SLC4A1: variants seen among roughly 807,000 people sequenced by gnomAD.
SLC4A1 encodes band 3 anion transport protein.
In SLC4A1, 29 loss-of-function variants were observed where a neutral mutation model predicts 93.1. The ratio of observed to expected loss-of-function variants is 0.31; its 90% confidence interval spans 0.23 to 0.42. The LOEUF (loss-of-function observed/expected upper bound fraction) is 0.42, where lower values mean the gene tolerates loss of function less well. SLC4A1 is among the 20% of genes least tolerant of loss of function. The pLI, the probability that SLC4A1 is intolerant of heterozygous loss-of-function variation, is 1.00. For synonymous variants in SLC4A1, 469 were observed against 497.2 expected (o/e 0.94, Z 0.76); for missense variants, 965 against 1,190.1 (o/e 0.81, Z 2.78).
intron 16 of SLC4A1, 27 bp downstream of exon 16, chr17:44,254,469 A>AACCC: frequency 4.2e-5 from 28 of 665,338 alleles, no homozygotes; most frequent in Non-Finnish European, 6.2e-5. Context: ...CCACCCTCCC[A>AACCC]GGCCCAGCCC....
intron 19 of SLC4A1, 96 bp from the exon 20 acceptor site, chr17:44,250,634 G>A: frequency 1.1e-6 from 1 of 901,974 alleles, no homozygotes; most frequent in South Asian, 1.4e-5. Context: ...TTAGGAGAGG[G>A]TCTGGCTGTC....
chr17:44,252,510 C>A (rs2047352122), intron 17 of SLC4A1, among the ~76,000 whole-genome samples: 1 of 152,154 alleles, frequency 6.6e-6, no homozygotes, highest in Non-Finnish European at 1.5e-5. Context: ...ACACCTTTCT[C>A]CTCACCCCAG....
rs1324351103 is a variant in SLC4A1 at position 44,249,246 on chromosome 17, G to GTT, written c.*1210_*1211dup. On this transcript the variant is annotated 3_prime_UTR_variant, in exon 20 of 20. Transcript: ENST00000262418. ...GTCTTTCAACTCTTTTTATCTTTTT[G>GTT]TTTTATAAAAAAATAAATTTGCCCA... 1 of 445,878 alleles carries GTT rather than the reference G, an allele frequency of 2.2e-6. No homozygotes were observed. Among genetic ancestry groups the GTT allele is most frequent in the East Asian group, 7.2e-5 (1 of 13,986 alleles). 27.6% of individuals were successfully genotyped at this position (445,878 alleles called of 1,614,324 possible).
intron 17 of SLC4A1, among the ~76,000 whole-genome samples, chr17:44,252,047 CTTTTTTTTTTTT>C (rs966641655): frequency 2.9e-5 from 2 of 69,130 alleles, no homozygotes; most frequent in Middle Eastern, 0.011. Context: ...TCCTATGGGT[CTTTTTTTTTTTT>C]TTTTTTTTTT....
chr17:44,257,737 G>A lies in SLC4A1; in HGVS notation c.1353C>T (p.Phe451=), dbSNP rs770941832. 30 of 1,613,888 alleles carry A rather than the reference G, an allele frequency of 1.9e-5. 1 individual carries two copies. The highest frequency in any genetic ancestry group is 2.5e-5 in the Non-Finnish European group (29 of 1,179,950). ...GCAGGGGCTGAGCCCCCAGCAGGGC[G>A]AAGAGAATGCCCTGCACTGCAGTGG... ...LISTAVQGIL[F]ALLGAQPLLV... is the part of the protein sequence containing the mutation. Residue 451 remains phenylalanine, a synonymous_variant, in exon 12 of 20, where the codon TTC becomes TTT. Transcript: ENST00000262418.
Position 44,259,723 on chromosome 17 carries a change from C to T in SLC4A1, c.609+86G>A, listed in dbSNP as rs2857082. ...GTGCTTCTGGTCCCCTGCTTGTGGT[C>T]GGTTTTTCAGGACCCCTGCTGGCGT... On this transcript the variant is annotated intron_variant, in intron 7 of 19. Transcript: ENST00000262418. The T allele has an allele frequency of 0.19, 297,874 of 1,597,330 alleles. 32,359 individuals carry two copies. Among genetic ancestry groups the T allele is most frequent in the East Asian group, 0.55 (24,619 of 44,718 alleles).
intron 17 of SLC4A1, 134 bp from the exon 18 acceptor site, chr17:44,251,722 T>TTC: frequency 1.7e-6 from 1 of 578,504 alleles, no homozygotes; most frequent in Non-Finnish European, 2.9e-6. Context: ...TTTCTTTTCT[T>TTC]TTTTTTTTTT....
intron 3 of SLC4A1, chr17:44,262,156 A>G (rs540141248): frequency 4.2e-6 from 3 of 711,204 alleles, no homozygotes; most frequent in East Asian, 1.7e-4. Flanking sequence ...TTTAATCCCA[A>G]TCTCCAGCAC....
Position 44,258,308 on chromosome 17 carries a change from A to G in SLC4A1, c.1087+105T>C. 1 of 1,418,398 alleles carries G rather than the reference A, an allele frequency of 7.1e-7. No homozygotes were observed. The highest frequency in any genetic ancestry group is 1.2e-5 in the South Asian group (1 of 86,950). The allele number at this position is 1,418,398 out of a possible 1,614,324, so 87.9% of individuals were successfully genotyped here. On this transcript the variant is annotated intron_variant, in intron 10 of 19. Coordinates refer to ENST00000262418, the MANE Select transcript of SLC4A1 (RefSeq NM_000342.4). This position sits in a 1 kb window ranked among gnomAD's most constrained non-coding sequence, Gnocchi z 6.1. ...GCGAAGAAGTCTGGAAGATGTGGGCAAAGGGAGCGATGAGAGGGGAACATG... is the reference window on the plus strand; with the variant it reads ...GCGAAGAAGTCTGGAAGATGTGGGCGAAGGGAGCGATGAGAGGGGAACATG...
chr17:44,248,668 AG>A lies in SLC4A1; in HGVS notation c.*1789del, dbSNP rs2047314097. The A allele has an allele frequency of 1.3e-5, 2 of 154,440 alleles. No homozygotes were observed. Among genetic ancestry groups the A allele is most frequent in the African/African-American group, 4.8e-5 (2 of 41,352 alleles). The allele number at this position is 154,440 out of a possible 1,614,324, so 9.6% of individuals were successfully genotyped here. ...CATTATCATCCCCATTTTACAGACG[AG>A]GAAACTGAACTGTAGCATGGGCGAA... On this transcript the variant is annotated 3_prime_UTR_variant, in exon 20 of 20. Transcript: ENST00000262418.
At position 44,253,107 on chromosome 17, in the gene SLC4A1, C is replaced by T. The variant is rs1164317190; in HGVS notation, c.2311+11G>A. The T allele has an allele frequency of 5.0e-6, 8 of 1,609,066 alleles. No homozygotes were observed. Among genetic ancestry groups the T allele is most frequent in the Non-Finnish European group, 6.8e-6 (8 of 1,179,994 alleles). ...GGAGGATGGTGAAGACGCGACCCAG[C>T]TTTCACTCACCCACAAGCACAGCGA... On this transcript the variant is annotated intron_variant, in intron 17 of 19. Transcript: ENST00000262418.
Position 44,251,402 on chromosome 17 carries a change from A to G in SLC4A1, c.2481+17T>C. 1.2e-6 allele frequency: 2 copies of G among 1,614,250 alleles called. No individual in the cohort carries two copies. The highest frequency in any genetic ancestry group is 1.7e-6 in the Non-Finnish European group (2 of 1,180,040). On this transcript the variant is annotated intron_variant, in intron 18 of 19. Transcript: ENST00000262418. ...CTCTACCACCCCAGGCTGGGCAGCC[A>G]GAAAAGGGTCCTGTACCCGCTTGAC...
In SLC4A1 at chr17:44,262,911, C is replaced by A. The variant is rs1457562087; in HGVS notation, c.-45G>T. 1.2e-6 allele frequency: 2 copies of A among 1,613,708 alleles called. No individual in the cohort carries two copies. The highest frequency in any genetic ancestry group is 1.7e-6 in the Non-Finnish European group (2 of 1,180,022). On this transcript the variant is annotated 5_prime_UTR_variant, in exon 2 of 20. Transcript: ENST00000262418. Reference sequence around the variant, plus strand: ...AGTTGTCTACGGTGATCTGAGCCCCCAGCATAACCCGCACCGCGGGTCCCT... The same window carrying A: ...AGTTGTCTACGGTGATCTGAGCCCCAAGCATAACCCGCACCGCGGGTCCCT...
At chr17:44,262,182 A>T (rs2047451635) in intron 3 of SLC4A1, 2 of 520,712 alleles carry the variant, frequency 3.8e-6, no homozygotes, top group Non-Finnish European at 5.3e-6. Context: ...TCCTGTTGAC[A>T]GTAAACAGGT....
At position 44,260,658 on chromosome 17, in the gene SLC4A1, T is replaced by C. The variant is rs1321415255; in HGVS notation, c.326A>G (p.Glu109Gly). ...ACCCTTGGTGAAGACTCTACGCAGCTCTAGGAGGCTCCAGAAGGTGAGGTG... is the reference window on the plus strand; with the variant it reads ...ACCCTTGGTGAAGACTCTACGCAGCCCTAGGAGGCTCCAGAAGGTGAGGTG... The part of the protein sequence containing the change: ...LSHLTFWSLL[E>G]LRRVFTKGTV... The change falls in exon 5 of 20, where the codon GAG (glutamate) becomes GGG (glycine). Residue 109 changes from glutamate to glycine, a missense_variant. Glu to Gly is a moderately conservative substitution (Grantham distance 98, BLOSUM62 -2). This residue lies in a region of SLC4A1 where 195 missense variants were observed against 183.5 expected (regional missense o/e 1.06). Transcript: ENST00000262418. 1 of 1,613,996 alleles carries C rather than the reference T, an allele frequency of 6.2e-7. No individual in the cohort carries two copies. The highest frequency in any genetic ancestry group is 1.3e-5 in the African/African-American group (1 of 74,900).
chr17:44,255,169 G>C lies in SLC4A1; in HGVS notation c.1890+38C>G, dbSNP rs760521744. ...GCTGGGGGGTGGAAATGAGGACCTGGGGGGTATCATGGTCTGAGGGCTGGG... is the reference window on the plus strand; with the variant it reads ...GCTGGGGGGTGGAAATGAGGACCTGCGGGGTATCATGGTCTGAGGGCTGGG... On this transcript the variant is annotated intron_variant, in intron 15 of 19. Coordinates refer to ENST00000262418, the MANE Select transcript of SLC4A1 (RefSeq NM_000342.4). 3.1e-5 allele frequency: 44 copies of C among 1,422,554 alleles called. No individual in the cohort carries two copies. In the Middle Eastern group the frequency reaches 7.0e-4, roughly 23 times the overall value. The allele number at this position is 1,422,554 out of a possible 1,614,324, so 88.1% of individuals were successfully genotyped here.
In SLC4A1 at chr17:44,259,529, G is replaced by A. The variant is rs770991877; in HGVS notation, c.662C>T (p.Pro221Leu). The part of the protein sequence containing the change: ...HSPSGILEKI[P>L]PDSEATLVLV... ...CACCAACGTGGCCTCTGAATCCGGG[G>A]GAATCTTTTCCAGAATTCCAGATGG... The change falls in exon 8 of 20, where the codon CCC becomes CTC. Residue 221 changes from proline (P) to leucine (L), a missense_variant. This residue lies in a region of SLC4A1 where 770 missense variants were observed against 1,006.6 expected (regional missense o/e 0.76). Coordinates refer to ENST00000262418, the MANE Select transcript of SLC4A1 (RefSeq NM_000342.4). 1 of 1,614,086 alleles carries A rather than the reference G, an allele frequency of 6.2e-7. No homozygotes were observed. The highest frequency in any genetic ancestry group is 1.1e-5 in the South Asian group (1 of 91,080).
At chr17:44,263,909 A>G (rs756111627) in intron 1 of SLC4A1, among the ~76,000 whole-genome samples, 8 of 151,890 alleles carry the variant, frequency 5.3e-5, no homozygotes, top group Non-Finnish European at 1.2e-4. Context: ...AACTGGAATT[A>G]TAGGCATGCC....
Position 44,257,246 on chromosome 17 carries a change from C to G in SLC4A1, c.1626+104G>C, listed in dbSNP as rs540730918. The G allele has an allele frequency of 1.9e-5, 21 of 1,129,860 alleles. No individual in the cohort carries two copies. In the South Asian group the frequency reaches 2.6e-4, roughly 14 times the overall value. 70.0% of individuals were successfully genotyped at this position (1,129,860 alleles called of 1,614,324 possible). ...ATCTCGGGTGATCCACCTGCCTCGG[C>G]CTCCCAAAGTTCTGAGATTACAGGC... On this transcript the variant is annotated intron_variant, in intron 13 of 19. Coordinates refer to ENST00000262418, the MANE Select transcript of SLC4A1 (RefSeq NM_000342.4).
Sources: allele counts gnomAD v4.1 joint callset (sites outside exome capture counted in the v4.1 genomes callset), GRCh38; gene constraint gnomAD v4.1.1; regional missense constraint gnomAD v4.1.1; non-coding constraint Gnocchi (gnomAD v3.1); transcripts MANE v1.5; gene names NCBI Gene and HGNC (gene_info 2026-07-23, HGNC 2026-07-21).